VPS54: variants seen among roughly 807,000 people sequenced by gnomAD.
VPS54 encodes the protein vacuolar protein sorting-associated protein 54.
Under a neutral mutation model 121.5 loss-of-function variants are expected in VPS54, and 45 were observed. The observed-to-expected ratio is 0.37, with a 90% CI of 0.29 to 0.47. The LOEUF is 0.47. Ranked by LOEUF, VPS54 falls within the 20% of genes least tolerant of loss-of-function variation. The probability of loss-of-function intolerance (pLI) is 0.99; values close to 1 mark genes in which losing one functional copy is unlikely to be tolerated. For missense variants in VPS54, 1,090 were observed against 1,131.4 expected (o/e 0.96, Z 0.52); for synonymous variants, 371 against 385.8 (o/e 0.96, Z 0.45).
intron 2 of VPS54, among the ~76,000 whole-genome samples, chr2:63,982,826 G>T (rs1410990523): frequency 3.3e-5 from 5 of 152,310 alleles, no homozygotes; most frequent in Non-Finnish European, 5.9e-5. Flanking sequence ...TATAGTATGA[G>T]AGCTGAAACA....
chr2:63,935,599 T>C (rs1575929077), intron 11 of VPS54, among the ~76,000 whole-genome samples: 1 of 152,176 alleles, frequency 6.6e-6, no homozygotes. Context: ...ACTTTTCCCA[T>C]GGTACAACAG....
intron 1 of VPS54, among the ~76,000 whole-genome samples, chr2:64,011,155 GA>G (rs571982822): frequency 8.1e-4 from 123 of 152,244 alleles, no homozygotes; most frequent in African/African-American, 2.8e-3. Flanking sequence ...TTATCAGGAA[GA>G]AAAATCATAA....
In VPS54 at chr2:63,893,416, T is replaced by C; in HGVS notation, c.*14A>G. ...CCCATGGTCAGATGAACTACCCAGT[T>C]TTCCAGGATGACATCACCTCTTCTG... On this transcript the variant is annotated 3_prime_UTR_variant, in exon 23 of 23. Coordinates refer to ENST00000272322, the MANE Select transcript of VPS54 (RefSeq NM_016516.3). 6.2e-7 allele frequency: 1 copy of C among 1,608,648 alleles called. No individual in the cohort carries two copies. The highest frequency in any genetic ancestry group is 2.2e-5 in the East Asian group (1 of 44,838).
At chr2:63,914,322 A>G in intron 16 of VPS54, 35 bp from the exon 17 acceptor site, 1 of 1,380,482 alleles carries the variant, frequency 7.2e-7, no homozygotes, top group South Asian at 1.2e-5. Context: ...ATAGGAAATC[A>G]AAACAAGAAA....
At chr2:63,953,154 C>CA (rs1180114720) in intron 7 of VPS54, among the ~76,000 whole-genome samples, 6 of 119,390 alleles carry the variant, frequency 5.0e-5, no homozygotes, top group African/African-American at 1.9e-4. Flanking sequence ...TTTTTTTAGA[C>CA]AGAGTCTCCC....
At chr2:63,982,023 TA>T in intron 2 of VPS54, 136 bp from the exon 3 acceptor site, 1 of 942,048 alleles carries the variant, frequency 1.1e-6, no homozygotes, top group Non-Finnish European at 1.5e-6. Flanking sequence ...AATGATTTAA[TA>T]AAAATCAATC....
At chr2:63,976,240 C>T (rs760875960) in intron 3 of VPS54, among the ~76,000 whole-genome samples, 9 of 150,712 alleles carry the variant, frequency 6.0e-5, no homozygotes, top group Non-Finnish European at 1.3e-4. Flanking sequence ...GTCCCAGCTA[C>T]TTGGGGGTTG....
intron 11 of VPS54, among the ~76,000 whole-genome samples, chr2:63,934,780 T>C (rs1288846109): frequency 6.6e-6 from 1 of 152,248 alleles, no homozygotes; most frequent in Non-Finnish European, 1.5e-5. Flanking sequence ...ACTGTAATCC[T>C]AATGCCTAGA....
At chr2:63,966,158 T>A (rs1675986012) in intron 5 of VPS54, among the ~76,000 whole-genome samples, 192 bp from the exon 6 acceptor site, 3 of 152,164 alleles carry the variant, frequency 2.0e-5, no homozygotes, top group Admixed American at 2.0e-4. Flanking sequence ...AAGCTTAAAA[T>A]ACTCATAAAA....
intron 3 of VPS54, among the ~76,000 whole-genome samples, chr2:63,979,645 C>A (rs996154601): frequency 2.0e-5 from 3 of 152,204 alleles, no homozygotes; most frequent in Non-Finnish European, 4.4e-5. Flanking sequence ...TAAGTGCTAA[C>A]TGAGCATCAC....
chr2:63,961,626 TG>T (rs1466448474), intron 7 of VPS54, among the ~76,000 whole-genome samples: 10 of 152,350 alleles, frequency 6.6e-5, no homozygotes, highest in African/African-American at 2.4e-4. Context: ...GGATTTCTTT[TG>T]CAATTTGATA....
At chr2:63,979,602 T>TAA (rs1212491258) in intron 3 of VPS54, among the ~76,000 whole-genome samples, 1 of 152,206 alleles carries the variant, frequency 6.6e-6, no homozygotes, top group East Asian at 1.9e-4. Context: ...CTTCTTTCAA[T>TAA]AATATATGCA....
chr2:63,970,292 T>G (rs531689479), intron 4 of VPS54, among the ~76,000 whole-genome samples: 1 of 146,182 alleles, frequency 6.8e-6, no homozygotes, highest in East Asian at 2.0e-4. Context: ...TAGATATATA[T>G]AGATATATAT....
At chr2:63,991,702 A>C (rs747273167) in intron 1 of VPS54, among the ~76,000 whole-genome samples, 5 of 152,192 alleles carry the variant, frequency 3.3e-5, no homozygotes, top group Non-Finnish European at 7.3e-5. Context: ...ACCCCCTACC[A>C]CAGAACCAGG....
intron 1 of VPS54, among the ~76,000 whole-genome samples, chr2:64,018,392 G>C (rs1002388202): frequency 6.6e-6 from 1 of 152,102 alleles, no homozygotes; most frequent in Non-Finnish European, 1.5e-5. Context: ...CGGCAGAGAG[G>C]GCCTGCCCTT....
rs1010544830 is a variant in VPS54, at chr2:63,978,453, C to A, written c.378+3193G>T. On this transcript the variant is annotated intron_variant, in intron 3 of 22. Transcript: ENST00000272322. ...ATCCTAGAACCAGACCTGTCTTCTA[C>A]ATCTTTACCAAAATTTGAAAGAATG... 3.9e-5 allele frequency among the ~76,000 whole-genome samples: 6 copies of A among 152,162 alleles called. 1 individual carries two copies. Among genetic ancestry groups the A allele is most frequent in the Admixed American group, 2.6e-4 (4 of 15,274 alleles).
In VPS54 at chr2:63,914,224, A is replaced by T. The variant is rs1222661781; in HGVS notation, c.2292T>A (p.Ser764=). The part of the protein sequence containing the change: ...EYCQCVDNIP[S]VTTDMLTRLS... ...GACGAGTAAGCATGTCAGTAGTAAC[A>T]GATGGGATGTTATCCACACACTGGC... Residue 764 remains serine (S), a synonymous_variant, in exon 17 of 23, where the codon TCT becomes TCA. Coordinates refer to ENST00000272322, the MANE Select transcript of VPS54 (RefSeq NM_016516.3). 2.5e-6 allele frequency: 4 copies of T among 1,613,882 alleles called. No homozygotes were observed. The highest frequency in any genetic ancestry group is 2.5e-6 in the Non-Finnish European group (3 of 1,179,840).
chr2:63,962,384 T>G lies in VPS54; in HGVS notation c.684A>C (p.Ser228=), dbSNP rs760014273. The G allele has an allele frequency of 1.9e-6, 3 of 1,613,958 alleles. No individual in the cohort carries two copies. The East Asian group carries it at 6.7e-5, about 36-fold the overall frequency. ...AGGTCATTGCATGAAAAAATGCTTC[T>G]GAACGTAGAGAGATCTGGTGAGCAA... ...VNIAHQISLR[S]EAFFHAMTSQ... The change falls in exon 7 of 23, where the codon TCA becomes TCC. Residue 228 remains serine (S), a synonymous_variant. Coordinates refer to ENST00000272322, the MANE Select transcript of VPS54 (RefSeq NM_016516.3).
chr2:63,950,743 GCTCA>G (rs1297833605), intron 7 of VPS54, among the ~76,000 whole-genome samples: 2 of 152,054 alleles, frequency 1.3e-5, no homozygotes, highest in East Asian at 1.9e-4. Flanking sequence ...AAATCCTGGT[GCTCA>G]CTATCTCTTC....
Sources: allele counts gnomAD v4.1 joint callset (sites outside exome capture counted in the v4.1 genomes callset), GRCh38; gene constraint gnomAD v4.1.1; transcripts MANE v1.5; gene names NCBI Gene and HGNC (gene_info 2026-07-23, HGNC 2026-07-21).